RNF216: variants seen among roughly 807,000 people sequenced by gnomAD.
RNF216 encodes E3 ubiquitin-protein ligase RNF216.
In RNF216, 72 loss-of-function variants were observed where a neutral mutation model predicts 110.8. The ratio of observed to expected loss-of-function variants is 0.65; its 90% confidence interval spans 0.54 to 0.79. The LOEUF (loss-of-function observed/expected upper bound fraction) is 0.79, where lower values mean the gene tolerates loss of function less well. Among genes scored for constraint, RNF216 ranks in the 30% least tolerant of loss-of-function variants. The pLI, the probability that RNF216 is intolerant of heterozygous loss-of-function variation, is 0.00. For missense variants in RNF216, 1,342 were observed against 1,141.2 expected, an observed-to-expected ratio of 1.18 and a Z score of -2.54; for synonymous variants, 495 against 407.5, an observed-to-expected ratio of 1.21 and a Z score of -2.59.
At chr7:5,694,544 G>A (rs1402407296) in intron 13 of RNF216, among the ~76,000 whole-genome samples, 4 of 152,226 alleles carry the variant, frequency 2.6e-5, no homozygotes, top group Non-Finnish European at 5.9e-5. Context: ...TATGAGATCA[G>A]ACAGTCAGAA....
intron 13 of RNF216, among the ~76,000 whole-genome samples, chr7:5,679,747 G>A (rs1790532226): frequency 6.6e-6 from 1 of 152,248 alleles, no homozygotes; most frequent in Non-Finnish European, 1.5e-5. Context: ...ACCACTGAGA[G>A]AAGAGCGTAT....
intron 13 of RNF216, among the ~76,000 whole-genome samples, chr7:5,657,441 C>T (rs1371499483): frequency 1.3e-5 from 2 of 152,136 alleles, no homozygotes; most frequent in Non-Finnish European, 2.9e-5. Context: ...GTGGCGCATG[C>T]CTATAATCCC....
At chr7:5,769,438 AGAGGCTG>A (rs1796378259) in intron 1 of RNF216, among the ~76,000 whole-genome samples, 1 of 151,106 alleles carries the variant, frequency 6.6e-6, no homozygotes, top group African/African-American at 2.4e-5. Context: ...TTTTAAACAA[AGAGGCTG>A]GGCGTGGTGG....
intron 14 of RNF216, among the ~76,000 whole-genome samples, chr7:5,642,462 C>T (rs936337650): frequency 1.3e-5 from 2 of 151,990 alleles, no homozygotes; most frequent in Non-Finnish European, 2.9e-5. Flanking sequence ...GATCCACCTG[C>T]CTCGGCCTCC....
At chr7:5,777,711 G>A (rs1796861215) in intron 1 of RNF216, 1 of 152,076 alleles carries the variant, frequency 6.6e-6, no homozygotes, top group East Asian at 1.9e-4. Flanking sequence ...GACAAAATAT[G>A]GTAAAATAAC....
intron 14 of RNF216, among the ~76,000 whole-genome samples, chr7:5,644,901 T>C (rs964268014): frequency 3.4e-4 from 51 of 151,378 alleles, no homozygotes; most frequent in Non-Finnish European, 5.2e-4. Context: ...CTTGGCTCAC[T>C]GCAACCTCCA....
intron 3 of RNF216, among the ~76,000 whole-genome samples, chr7:5,747,276 CAG>C (rs886251380): frequency 1.3e-5 from 2 of 152,164 alleles, no homozygotes; most frequent in Non-Finnish European, 2.9e-5. Context: ...TTAAAGAATT[CAG>C]AGTCTTAATT....
At chr7:5,630,663 G>A (rs1328703211) in intron 15 of RNF216, among the ~76,000 whole-genome samples, 1 of 152,150 alleles carries the variant, frequency 6.6e-6, no homozygotes, top group Non-Finnish European at 1.5e-5. Flanking sequence ...AAAGTGCAGG[G>A]ATTACAGGTG....
At chr7:5,640,833 G>C (rs1039304476) in intron 15 of RNF216, among the ~76,000 whole-genome samples, 20 of 152,154 alleles carry the variant, frequency 1.3e-4, no homozygotes, top group African/African-American at 4.8e-4. Context: ...TCAGGCTTTG[G>C]AATCAGCGTT....
At chr7:5,763,926 T>C (rs1168376057) in intron 1 of RNF216, among the ~76,000 whole-genome samples, 3 of 152,116 alleles carry the variant, frequency 2.0e-5, no homozygotes, top group African/African-American at 7.2e-5. Context: ...CGACAGCTCA[T>C]GGCTGTAATC....
At chr7:5,667,722 C>G (rs906948969) in intron 13 of RNF216, among the ~76,000 whole-genome samples, 2 of 152,224 alleles carry the variant, frequency 1.3e-5, no homozygotes, top group Admixed American at 6.5e-5. Context: ...CCAGCTCCTG[C>G]CTGCTGGAAC....
At chr7:5,625,058 C>T (rs999995451) in intron 15 of RNF216, among the ~76,000 whole-genome samples, 1 of 152,236 alleles carries the variant, frequency 6.6e-6, no homozygotes, top group African/African-American at 2.4e-5. Context: ...AAAAAACCCG[C>T]CAAGTGGGTG....
rs572729923 is a variant in RNF216, at chr7:5,715,206, A to G, written c.1696-16T>C. ...GCTGGCCATCCTGCAGGCAGTCAAG[A>G]AACACACATGAAATGTCCTGCACTT... On this transcript the variant is annotated splice_polypyrimidine_tract_variant and intron_variant, in intron 10 of 16. Transcript: ENST00000389902. 6.2e-7 allele frequency: 1 copy of G among 1,611,042 alleles called. No homozygotes were observed. The highest frequency in any genetic ancestry group is 1.7e-5 in the Admixed American group (1 of 59,946).
chr7:5,710,504 T>C (rs936366527), intron 13 of RNF216, among the ~76,000 whole-genome samples: 1 of 152,188 alleles, frequency 6.6e-6, no homozygotes, highest in African/African-American at 2.4e-5. Flanking sequence ...TCCCAGCTCC[T>C]TCTAAGCAAC....
At chr7:5,754,132 G>A (rs1795486281) in intron 2 of RNF216, among the ~76,000 whole-genome samples, 1 of 146,798 alleles carries the variant, frequency 6.8e-6, no homozygotes, top group Non-Finnish European at 1.5e-5. Context: ...GTGTGTGTGT[G>A]TGTGTGTGTG....
At chr7:5,639,831 C>T (rs1367497683) in intron 15 of RNF216, among the ~76,000 whole-genome samples, 1 of 151,726 alleles carries the variant, frequency 6.6e-6, no homozygotes, top group Non-Finnish European at 1.5e-5. Flanking sequence ...ATGATCTCAG[C>T]TCACTGCAAG....
At chr7:5,753,033 C>G (rs1395260228) in intron 2 of RNF216, 54 bp from the exon 3 acceptor site, 2 of 1,558,620 alleles carry the variant, frequency 1.3e-6, no homozygotes, top group African/African-American at 2.7e-5. Flanking sequence ...TCACATCCAA[C>G]TCTTTAAGTT....
At chr7:5,710,612 C>G (rs1485456067) in intron 13 of RNF216, among the ~76,000 whole-genome samples, 1 of 152,218 alleles carries the variant, frequency 6.6e-6, no homozygotes, top group African/African-American at 2.4e-5. Flanking sequence ...CTCCCCACCT[C>G]AGGACAGTGT....
intron 13 of RNF216, among the ~76,000 whole-genome samples, chr7:5,670,262 T>C (rs575175154): frequency 1.4e-4 from 22 of 152,018 alleles, no homozygotes; most frequent in Non-Finnish European, 2.5e-4. Context: ...ACAACCTGGA[T>C]GTGAGACTTT....
Sources: allele counts gnomAD v4.1 joint callset (sites outside exome capture counted in the v4.1 genomes callset), GRCh38; gene constraint gnomAD v4.1.1; transcripts MANE v1.5; gene names NCBI Gene and HGNC (gene_info 2026-07-23, HGNC 2026-07-21).